The following HTR4 variants were observed in gnomAD, a reference collection of about 807,000 sequenced individuals.
The protein encoded by HTR4 is 5-hydroxytryptamine (serotonin) receptor 4, G protein-coupled.
HTR4 carries 16 observed loss-of-function variants against 36.8 expected under a neutral mutation model. The ratio of observed to expected loss-of-function variants is 0.43; its 90% CI spans 0.29 to 0.66. The LOEUF is 0.66. Ranked by LOEUF, HTR4 falls within the 30% of genes least tolerant of loss-of-function variation. The pLI, the probability that HTR4 is intolerant of heterozygous loss-of-function variation, is 0.13. For missense variants in HTR4, 438 were observed against 490.9 expected, an observed-to-expected ratio of 0.89 and a Z score of 1.02; for synonymous variants, 189 against 185.1, an observed-to-expected ratio of 1.02 and a Z score of -0.17.
intron 1 of HTR4, among the ~76,000 whole-genome samples, chr5:148,640,729 T>G (rs985773077): frequency 1.3e-5 from 2 of 152,234 alleles, no homozygotes; most frequent in Non-Finnish European, 2.9e-5. Context: ...TGCTGAGTAA[T>G]ATACAATAAA....
At chr5:148,469,573 A>G in intron 5 of HTR4, among the ~76,000 whole-genome samples, 1 of 152,208 alleles carries the variant, frequency 6.6e-6, no homozygotes, top group Non-Finnish European at 1.5e-5. Flanking sequence ...AGCATAAACA[A>G]TAAGTTCCTA....
chr5:148,614,770 A>C (rs34577571), intron 2 of HTR4, among the ~76,000 whole-genome samples: 2 of 151,344 alleles, frequency 1.3e-5, no homozygotes, highest in Admixed American at 6.6e-5. Flanking sequence ...GAAAATTTTC[A>C]CAACCTACTC....
intron 4 of HTR4, among the ~76,000 whole-genome samples, chr5:148,531,007 C>G (rs1013984942): frequency 2.0e-5 from 3 of 152,182 alleles, no homozygotes; most frequent in African/African-American, 4.8e-5. Flanking sequence ...CCATATTTAC[C>G]CAATGCCTAT....
intron 1 of HTR4, among the ~76,000 whole-genome samples, chr5:148,649,451 A>G (rs1753968534): frequency 6.6e-6 from 1 of 152,220 alleles, no homozygotes; most frequent in Non-Finnish European, 1.5e-5. Flanking sequence ...TGAAAGGGGA[A>G]GAAATACAAA....
intron 2 of HTR4, among the ~76,000 whole-genome samples, chr5:148,614,117 T>C (rs1752559284): frequency 6.6e-6 from 1 of 152,112 alleles, no homozygotes; most frequent in South Asian, 2.1e-4. Flanking sequence ...CAAGGTAATT[T>C]ACAGATTCAA....
chr5:148,505,361 T>A, intron 6 of HTR4, among the ~76,000 whole-genome samples: 3 of 152,310 alleles, frequency 2.0e-5, no homozygotes, highest in African/African-American at 7.2e-5. Flanking sequence ...TAGGTATTGA[T>A]GGGACATATA....
At chr5:148,600,376 C>T (rs1761943574) in intron 2 of HTR4, among the ~76,000 whole-genome samples, 1 of 146,936 alleles carries the variant, frequency 6.8e-6, no homozygotes, top group Admixed American at 6.8e-5. Flanking sequence ...GACTGGGGGC[C>T]TAATCAGCAC....
At chr5:148,484,584 C>G (rs1328892012) in intron 6 of HTR4, among the ~76,000 whole-genome samples, 1 of 151,932 alleles carries the variant, frequency 6.6e-6, no homozygotes, top group Non-Finnish European at 1.5e-5. Context: ...TTTTTTAAGC[C>G]CCTGAGATAT....
chr5:148,499,168 T>A (rs140234189), intron 6 of HTR4, among the ~76,000 whole-genome samples: 3 of 152,156 alleles, frequency 2.0e-5, no homozygotes, highest in African/African-American at 7.2e-5. Context: ...AATTTTCTCA[T>A]CTTTAAAATG....
chr5:148,465,988 A>G, intron 5 of HTR4: 1 of 1,580,670 alleles, frequency 6.3e-7, no homozygotes, highest in Non-Finnish European at 8.5e-7. Context: ...TGGGAAAGAA[A>G]AAAGAAAAAA....
At chr5:148,572,884 T>C (rs531610958) in intron 2 of HTR4, among the ~76,000 whole-genome samples, 1 of 152,194 alleles carries the variant, frequency 6.6e-6, no homozygotes, top group East Asian at 1.9e-4. Flanking sequence ...TCGTGAATGC[T>C]AAAAGTGCTG....
At position 148,520,830 on chromosome 5, in the gene HTR4, T is replaced by A. The variant is rs951845043; in HGVS notation, c.507+2363A>T. 9 of 1,321,454 alleles carry A rather than the reference T, an allele frequency of 6.8e-6. No homozygotes were observed. In the African/African-American group the frequency reaches 1.3e-4, roughly 20 times the overall value. 81.9% of individuals were successfully genotyped at this position (1,321,454 alleles called of 1,614,324 possible). A position where few individuals can be genotyped will look rare whatever the true frequency, so the allele number is the denominator to read the frequency against. On this transcript the variant is annotated intron_variant, in intron 5 of 6. Coordinates refer to ENST00000377888, the MANE Select transcript of HTR4 (RefSeq NM_000870.7). The stretch of plus-strand genomic sequence containing the variant: ...ACAGTTTAAAATAAATTGGATAGGA[T>A]TCAAAAAATGTCCATGCAGTTACAC...
At position 148,509,926 on chromosome 5, in the gene HTR4, G is replaced by A. The variant is rs1178155526; in HGVS notation, c.606C>T (p.Tyr202=). The part of the protein sequence containing the change: ...YAITCSVVAF[Y]IPFLLMVLAY... ...CCAGCACCATGAGGAGAAATGGGAT[G>A]TAGAAGGCCACCACAGAGCAGGTGA... The change falls in exon 6 of 7, where the codon TAC becomes TAT. Residue 202 remains tyrosine (Y), a synonymous_variant. Coordinates refer to ENST00000377888, the MANE Select transcript of HTR4 (RefSeq NM_000870.7). 1.2e-6 allele frequency: 2 copies of A among 1,614,008 alleles called. No individual in the cohort carries two copies. The highest frequency in any genetic ancestry group is 1.7e-6 in the Non-Finnish European group (2 of 1,179,964).
chr5:148,456,936 A>G (rs974034115), intron 5 of HTR4, among the ~76,000 whole-genome samples: 3 of 152,226 alleles, frequency 2.0e-5, no homozygotes, highest in African/African-American at 4.8e-5. Flanking sequence ...TTCCCAATTC[A>G]GTGCAGAAAT....
intron 5 of HTR4, among the ~76,000 whole-genome samples, chr5:148,453,469 T>C (rs1299151018): frequency 6.6e-6 from 1 of 152,128 alleles, no homozygotes; most frequent in Admixed American, 6.6e-5. Context: ...GCCGTTTCTG[T>C]CTCCTGACTG....
rs1269861174 is a variant in HTR4 at position 148,649,964 on chromosome 5, T to C, written c.-48+4098A>G. 2.6e-5 allele frequency among the ~76,000 whole-genome samples: 4 copies of C among 152,164 alleles called. No homozygotes were observed. In the East Asian group the frequency reaches 5.8e-4, roughly 22 times the overall value. ...ATCACCTGCGAACCTATTAGAAATG[T>C]AAATTCTCAGATCTCAACCTAGGTG... On this transcript the variant is annotated intron_variant, in intron 1 of 6. Coordinates refer to ENST00000377888, the MANE Select transcript of HTR4 (RefSeq NM_000870.7).
intron 2 of HTR4, among the ~76,000 whole-genome samples, chr5:148,560,190 G>T (rs1263850164): frequency 2.3e-5 from 3 of 132,272 alleles, no homozygotes; most frequent in South Asian, 2.4e-4. Flanking sequence ...TCTTTTTTAC[G>T]GAAAGCTTTT....
At chr5:148,480,702 G>C (rs1298892570), downstream of HTR4, among the ~76,000 whole-genome samples, 5 of 152,054 alleles carry the variant, frequency 3.3e-5, no homozygotes, top group African/African-American at 4.8e-5. Flanking sequence ...TTTTAACAAG[G>C]CTCTGGTTTG....
chr5:148,644,434 T>TTTTTTTTTTTTTTG (rs1561666318), intron 1 of HTR4, among the ~76,000 whole-genome samples: 32 of 141,026 alleles, frequency 2.3e-4, no homozygotes, highest in Admixed American at 7.1e-4. Flanking sequence ...TTTTTTTTTT[T>TTTTTTTTTTTTTTG]TTTTTTTTTT....
Sources: gnomAD v4.1 joint callset for allele counts (sites outside exome capture counted in the v4.1 genomes callset) on GRCh38, gnomAD v4.1.1 for gene constraint, MANE v1.5 for transcripts, NCBI Gene and HGNC (gene_info 2026-07-23, HGNC 2026-07-21) for gene names.